The following CNTNAP2 variants were observed in gnomAD, a reference collection of about 807,000 sequenced individuals.
CNTNAP2 encodes the protein contactin associated protein 2, also known as contactin-associated protein-like 2.
A neutral mutation model predicts 155.2 loss-of-function variants in CNTNAP2; 98 were observed. The observed-to-expected ratio is 0.63, with a 90% CI of 0.54 to 0.75. CNTNAP2 has a LOEUF of 0.75. Ranked by LOEUF, CNTNAP2 falls within the 30% of genes least tolerant of loss-of-function variation. The probability of loss-of-function intolerance (pLI) is 0.00; values close to 1 mark genes in which losing one functional copy is unlikely to be tolerated. For missense variants in CNTNAP2, 1,727 were observed against 1,688.1 expected, an observed-to-expected ratio of 1.02 and a Z score of -0.40; for synonymous variants, 651 against 631.2, an observed-to-expected ratio of 1.03 and a Z score of -0.47.
At chr7:146,725,543 C>A (rs770918084) in intron 1 of CNTNAP2, among the ~76,000 whole-genome samples, 2 of 152,150 alleles carry the variant, frequency 1.3e-5, no homozygotes, top group Non-Finnish European at 2.9e-5. Flanking sequence ...TTAAATTCTG[C>A]TACGGTGTAG....
intron 5 of CNTNAP2, 41 bp downstream of exon 5, chr7:147,108,391 G>T (rs762354387): frequency 2.0e-6 from 3 of 1,512,062 alleles, no homozygotes; most frequent in Non-Finnish European, 2.7e-6. Flanking sequence ...CGTTATGGAT[G>T]TTCCCATTAG....
At chr7:147,275,927 GT>G (rs537998371) in intron 8 of CNTNAP2, among the ~76,000 whole-genome samples, 173 of 151,126 alleles carry the variant, frequency 1.1e-3, no homozygotes, top group South Asian at 8.6e-3. Flanking sequence ...GATCATATGG[GT>G]TTTTTTTTAA....
intron 1 of CNTNAP2, among the ~76,000 whole-genome samples, chr7:146,632,919 A>C (rs17517244): frequency 0.052 from 7,684 of 148,808 alleles, 277 homozygotes; most frequent in Non-Finnish European, 0.082. Flanking sequence ...TTGAAAGACT[A>C]TACACAAAAG....
chr7:147,183,499 C>T (rs1339898619), intron 8 of CNTNAP2, among the ~76,000 whole-genome samples: 2 of 152,134 alleles, frequency 1.3e-5, no homozygotes, highest in East Asian at 1.9e-4. Context: ...ACTTCATTCT[C>T]GTTAGTTGCC....
intron 15 of CNTNAP2, among the ~76,000 whole-genome samples, chr7:148,061,968 T>TAAAC (rs1215997918): frequency 9.1e-4 from 113 of 123,604 alleles, no homozygotes; most frequent in African/African-American, 1.4e-3. Context: ...GATAGATAGA[T>TAAAC]AGATAGATAG....
intron 13 of CNTNAP2, among the ~76,000 whole-genome samples, chr7:147,769,814 T>A (rs530094006): frequency 3.3e-5 from 5 of 152,156 alleles, no homozygotes; most frequent in African/African-American, 1.2e-4. Flanking sequence ...GGTGATGGAG[T>A]CCTCTGGGTT....
intron 18 of CNTNAP2, among the ~76,000 whole-genome samples, chr7:148,195,113 G>A (rs1182910003): frequency 6.6e-6 from 1 of 152,172 alleles, no homozygotes; most frequent in African/African-American, 2.4e-5. Context: ...CTGGGTGTCA[G>A]AAATAGGCTT....
At chr7:147,138,179 T>C (rs1801526307) in intron 8 of CNTNAP2, among the ~76,000 whole-genome samples, 1 of 151,908 alleles carries the variant, frequency 6.6e-6, no homozygotes, top group South Asian at 2.1e-4. Context: ...AGATAAAACA[T>C]GGCTCTGTAT....
chr7:146,701,958 C>T (rs184913350), intron 1 of CNTNAP2, among the ~76,000 whole-genome samples: 191 of 152,168 alleles, frequency 1.3e-3, no homozygotes, highest in African/African-American at 4.5e-3. Flanking sequence ...AAGGAAGTTA[C>T]AACAATGAGG....
intron 13 of CNTNAP2, among the ~76,000 whole-genome samples, chr7:147,665,595 G>T (rs1795680225): frequency 1.3e-5 from 2 of 152,114 alleles, no homozygotes; most frequent in South Asian, 4.1e-4. Context: ...GTACCCATTA[G>T]TTATTTTTCC....
chr7:147,754,791 A>T (rs1215201474), intron 13 of CNTNAP2, among the ~76,000 whole-genome samples: 2 of 152,226 alleles, frequency 1.3e-5, no homozygotes, highest in Non-Finnish European at 2.9e-5. Context: ...AAATGGGAGC[A>T]GGGAGAATAG....
chr7:146,321,302 TA>T (rs1800997143), intron 1 of CNTNAP2, among the ~76,000 whole-genome samples: 1 of 151,162 alleles, frequency 6.6e-6, no homozygotes, highest in African/African-American at 2.4e-5. Context: ...ATGAAAGAAT[TA>T]AAACGAGAAG....
intron 1 of CNTNAP2, among the ~76,000 whole-genome samples, chr7:146,278,644 T>C (rs529176193): frequency 3.3e-5 from 5 of 152,276 alleles, no homozygotes; most frequent in Admixed American, 3.3e-4. Flanking sequence ...CAAACATAAA[T>C]TATGATTTAG....
chr7:147,497,226 C>T (rs1798725372), intron 11 of CNTNAP2: 1 of 152,142 alleles, frequency 6.6e-6, no homozygotes, highest in Non-Finnish European at 1.5e-5. Flanking sequence ...GAAAAACATT[C>T]AAGGGCTCGT....
chr7:147,397,818 C>G (rs1796844829), intron 10 of CNTNAP2, among the ~76,000 whole-genome samples: 1 of 150,526 alleles, frequency 6.6e-6, no homozygotes, highest in South Asian at 2.1e-4. Context: ...ATTCATCTTG[C>G]CAAGTTTCCT....
chr7:147,112,381 G>A (rs1281382754), intron 5 of CNTNAP2, among the ~76,000 whole-genome samples: 1 of 151,966 alleles, frequency 6.6e-6, no homozygotes, highest in Non-Finnish European at 1.5e-5. Context: ...TTGTCTGATT[G>A]CCCTGGCCAG....
At chr7:147,381,885 A>T (rs1212321417) in intron 9 of CNTNAP2, among the ~76,000 whole-genome samples, 1 of 152,042 alleles carries the variant, frequency 6.6e-6, no homozygotes, top group African/African-American at 2.4e-5. Context: ...ATTAAAAAAC[A>T]GTTGCTACAA....
intron 12 of CNTNAP2, among the ~76,000 whole-genome samples, chr7:147,622,364 C>G (rs767650577): frequency 2.6e-5 from 4 of 151,954 alleles, no homozygotes; most frequent in African/African-American, 9.7e-5. Context: ...GGATGATTCT[C>G]AAGGATAGAC....
At chr7:146,798,850 C>T (rs1451798424) in intron 2 of CNTNAP2, among the ~76,000 whole-genome samples, 3 of 152,088 alleles carry the variant, frequency 2.0e-5, no homozygotes, top group Non-Finnish European at 2.9e-5. Context: ...CATTTTCATA[C>T]CCAGCTAAGA....
Sources: gnomAD v4.1 joint callset for allele counts (sites outside exome capture counted in the v4.1 genomes callset) on GRCh38, gnomAD v4.1.1 for gene constraint, MANE v1.5 for transcripts, NCBI Gene and HGNC (gene_info 2026-07-23, HGNC 2026-07-21) for gene names.